Variants in ZNF460 observed in about 807,000 individuals in gnomAD.
ZNF460 encodes the protein zinc finger protein 272.
Under a neutral mutation model 8.4 loss-of-function variants are expected in ZNF460, and 1 was observed. That is an observed-to-expected ratio of 0.12 (90% CI 0.04 to 0.56). The LOEUF (loss-of-function observed/expected upper bound fraction) is 0.56, where lower values mean the gene tolerates loss of function less well. Ranked by LOEUF, ZNF460 falls within the 20% of genes least tolerant of loss-of-function variation. The pLI is 0.91. For synonymous variants in ZNF460, 262 were observed against 259.9 expected, an observed-to-expected ratio of 1.01 and a Z score of -0.08; for missense variants, 477 against 714.8, an observed-to-expected ratio of 0.67 and a Z score of 3.79.
chr19:57,293,495 ATTG>A lies in ZNF460; in HGVS notation c.*1268_*1270del, dbSNP rs2122901243. The A allele has an allele frequency of 6.6e-6, 1 of 152,244 alleles. No individual in the cohort carries two copies. The highest frequency in any genetic ancestry group is 2.1e-4 in the South Asian group (1 of 4,822). The allele number at this position is 152,244 out of a possible 1,614,324, so 9.4% of individuals were successfully genotyped here. A position where few individuals can be genotyped will look rare whatever the true frequency, so the allele number is the denominator to read the frequency against. On this transcript the variant is annotated 3_prime_UTR_variant, in exon 3 of 3. Coordinates refer to ENST00000360338, the MANE Select transcript of ZNF460 (RefSeq NM_006635.4). The stretch of plus-strand genomic sequence containing the variant: ...TTTTGGTATTCTTTTTGTTTCTTTT[ATTG>A]TTTTTAATTGACAATGTTTATGGGG...
intron 1 of ZNF460, among the ~76,000 whole-genome samples, chr19:57,283,553 G>A (rs1050620317): frequency 2.5e-4 from 31 of 125,850 alleles, no homozygotes; most frequent in African/African-American, 8.0e-4. Flanking sequence ...CTGTTCTGGA[G>A]TACAGTGACA....
At chr19:57,284,028 T>G (rs1381824318) in intron 1 of ZNF460, among the ~76,000 whole-genome samples, 1 of 152,050 alleles carries the variant, frequency 6.6e-6, no homozygotes, top group Non-Finnish European at 1.5e-5. Flanking sequence ...TTGGTAAGAC[T>G]CAGATACTGT....
rs1198136162 is a variant in ZNF460 at position 57,291,322 on chromosome 19, T to G, written c.781T>G (p.Phe261Val). 6.2e-7 allele frequency: 1 copy of G among 1,613,912 alleles called. No homozygotes were observed. Residue 261 changes from phenylalanine to valine, a missense_variant, in exon 3 of 3, where the codon TTC (phenylalanine) becomes GTC (valine). By Grantham distance (50) the Phe-to-Val change is conservative (BLOSUM62 -1). Transcript: ENST00000360338. The surrounding 1 kb of genome is among the most constrained non-coding windows in gnomAD (Gnocchi z 8.4). ...TGTGTGCAGTGAATGTGGAAGGACC[T>G]TCAATCGCGGGTCGCACCTTACACG... ...PFVCSECGRT[F>V]NRGSHLTRHQ...
At chr19:57,281,128 A>G (rs1268430805) in intron 1 of ZNF460, among the ~76,000 whole-genome samples, 2 of 152,106 alleles carry the variant, frequency 1.3e-5, no homozygotes, top group South Asian at 4.1e-4. Flanking sequence ...CACCTGGCCA[A>G]CCACCCCTGA....
chr19:57,290,332 C>T lies in ZNF460; in HGVS notation c.158-367C>T, dbSNP rs183063507. On this transcript the variant is annotated intron_variant, in intron 2 of 2. Transcript: ENST00000360338. ...TCCCTCTGTCACCTAGGCTGGAGTGCGGTGGCTCAGTCTTGACTCACTGCA... is the reference window on the plus strand; with the variant it reads ...TCCCTCTGTCACCTAGGCTGGAGTGTGGTGGCTCAGTCTTGACTCACTGCA... Among the ~76,000 whole-genome samples, 443 of 151,814 alleles carry T rather than the reference C, an allele frequency of 2.9e-3. 2 individuals carry two copies. Among genetic ancestry groups the T allele is most frequent in the African/African-American group, 0.01 (418 of 41,402 alleles).
rs773358592 is a variant in ZNF460 at position 57,292,017 on chromosome 19, A to T, written c.1476A>T (p.Thr492=). 6.2e-7 allele frequency: 1 copy of T among 1,614,164 alleles called. No homozygotes were observed. The highest frequency in any genetic ancestry group is 1.1e-5 in the South Asian group (1 of 91,082). Residue 492 remains threonine (T), a synonymous_variant, in exon 3 of 3, where the codon ACA becomes ACT. Transcript: ENST00000360338. ...CCTTCAACCGCAGGTCACCCCTCAC[A>T]AGGCACCAGCGGATTCACACTGCAG... ...GKAFNRRSPL[T]RHQRIHTAEK... is the part of the protein sequence containing the mutation.
intron 2 of ZNF460, among the ~76,000 whole-genome samples, chr19:57,289,216 A>G (rs959888341): frequency 6.6e-6 from 1 of 152,044 alleles, no homozygotes; most frequent in Non-Finnish European, 1.5e-5. Context: ...TGGATTCTAT[A>G]TGTCTACCAG....
intron 2 of ZNF460, among the ~76,000 whole-genome samples, chr19:57,288,339 C>G (rs1334992206): frequency 6.6e-6 from 1 of 152,134 alleles, no homozygotes; most frequent in Non-Finnish European, 1.5e-5. Context: ...ACTACAGGCT[C>G]ATGCTACAAC....
Position 57,290,932 on chromosome 19 carries a change from A to T in ZNF460, c.391A>T (p.Thr131Ser). ...KMSLEHEGLA[T>S]ADGICSMMIQ... ...GAGCCTTGAACACGAAGGTTTGGCGACAGCTGATGGTATTTGTTCAATGAT... is the reference window on the plus strand; with the variant it reads ...GAGCCTTGAACACGAAGGTTTGGCGTCAGCTGATGGTATTTGTTCAATGAT... The change falls in exon 3 of 3, where the codon ACA (threonine) becomes TCA (serine). Residue 131 changes from threonine (T) to serine (S), a missense_variant. Around this residue, in one of 5 missense-constraint regions of ZNF460, gnomAD observed 169 missense variants for 178.6 expected, o/e 0.95. Coordinates refer to ENST00000360338, the MANE Select transcript of ZNF460 (RefSeq NM_006635.4). 6.2e-7 allele frequency: 1 copy of T among 1,614,238 alleles called. No homozygotes were observed. Among genetic ancestry groups the T allele is most frequent in the Non-Finnish European group, 8.5e-7 (1 of 1,180,032 alleles).
intron 2 of ZNF460, among the ~76,000 whole-genome samples, chr19:57,290,295 T>C (rs958428488): frequency 1.3e-5 from 2 of 151,558 alleles, no homozygotes; most frequent in African/African-American, 4.9e-5. Context: ...TGGCCTTTTT[T>C]TGAGATGGGT....
intron 1 of ZNF460, 84 bp from the exon 2 acceptor site, chr19:57,284,467 A>G (rs1403656911): frequency 3.3e-6 from 5 of 1,517,040 alleles, no homozygotes; most frequent in Non-Finnish European, 4.4e-6. Flanking sequence ...TTCTCTGTGC[A>G]TCTTTTGCAG....
chr19:57,285,634 T>C (rs2087874135), intron 2 of ZNF460, among the ~76,000 whole-genome samples: 2 of 152,200 alleles, frequency 1.3e-5, no homozygotes, highest in Admixed American at 1.3e-4. Flanking sequence ...TAAAGGTTCT[T>C]TCTTTTGTGA....
In ZNF460 at chr19:57,291,040, G is replaced by A; in HGVS notation, c.499G>A (p.Gly167Arg). ...AGTTACAGATTCCTTGATTCATGAA[G>A]GGGAAAATTCCTATAAATTCGAGGA... ...GPVTDSLIHE[G>R]ENSYKFEEMF... The change falls in exon 3 of 3, where the codon GGG (glycine) becomes AGG (arginine). Residue 167 changes from glycine to arginine, a missense_variant. Physicochemically the swap from Gly to Arg is moderately radical, Grantham distance 125. This residue lies in a region of ZNF460 where 169 missense variants were observed against 178.6 expected (regional missense o/e 0.95). Transcript: ENST00000360338. The surrounding 1 kb of genome is among the most constrained non-coding windows in gnomAD (Gnocchi z 8.4). The A allele has an allele frequency of 6.2e-7, 1 of 1,614,202 alleles. No homozygotes were observed. Among genetic ancestry groups the A allele is most frequent in the Non-Finnish European group, 8.5e-7 (1 of 1,180,036 alleles).
chr19:57,291,729 A>G lies in ZNF460; in HGVS notation c.1188A>G (p.Glu396=), dbSNP rs757551600. ...GAGAAAAGCCTTTTGAGTGCAAAGA[A>G]TGTGGGAAAGCCTTTAGCATTCGAA... ...HTGEKPFECK[E]CGKAFSIRKD... The change falls in exon 3 of 3, where the codon GAA becomes GAG. Residue 396 remains glutamate (E), a synonymous_variant. Transcript: ENST00000360338. This position sits in a 1 kb window ranked among gnomAD's most constrained non-coding sequence, Gnocchi z 8.4. 6.2e-7 allele frequency: 1 copy of G among 1,614,084 alleles called. No individual in the cohort carries two copies. The highest frequency in any genetic ancestry group is 8.5e-7 in the Non-Finnish European group (1 of 1,180,036).
chr19:57,286,237 G>A (rs1267485690), intron 2 of ZNF460, among the ~76,000 whole-genome samples: 2 of 152,120 alleles, frequency 1.3e-5, no homozygotes, highest in Non-Finnish European at 2.9e-5. Flanking sequence ...CTTTTTGTCT[G>A]TGTCACGTTT....
At chr19:57,280,390 G>A (rs76599967), upstream of ZNF460, 4,612 of 193,762 alleles carry the variant, frequency 0.024, 93 homozygotes, top group Non-Finnish European at 0.038. Flanking sequence ...GGCCATTGAC[G>A]ACCCAGGACA....
intron 1 of ZNF460, among the ~76,000 whole-genome samples, chr19:57,284,006 A>T (rs1294305181): frequency 6.6e-6 from 1 of 152,088 alleles, no homozygotes; most frequent in Non-Finnish European, 1.5e-5. Context: ...TGAGGCAGGC[A>T]CACAGGGAGG....
chr19:57,290,548 G>C, intron 2 of ZNF460, 151 bp from the exon 3 acceptor site: 1 of 776,588 alleles, frequency 1.3e-6, no homozygotes, highest in Admixed American at 3.0e-5. Context: ...AAAGTGCTGG[G>C]ATTACAGGGA....
intron 1 of ZNF460, among the ~76,000 whole-genome samples, chr19:57,284,239 T>A (rs543084734): frequency 4.5e-4 from 69 of 152,008 alleles, no homozygotes; most frequent in Middle Eastern, 3.4e-3. Flanking sequence ...TTATTTATTT[T>A]TTTTTGAGAC....
Sources: allele counts gnomAD v4.1 joint callset (sites outside exome capture counted in the v4.1 genomes callset), GRCh38; gene constraint gnomAD v4.1.1; regional missense constraint gnomAD v4.1.1; non-coding constraint Gnocchi (gnomAD v3.1); transcripts MANE v1.5; gene names NCBI Gene and HGNC (gene_info 2026-07-23, HGNC 2026-07-21).